The following CDKAL1 variants were observed in gnomAD, a reference collection of about 807,000 sequenced individuals.
CDKAL1 encodes CDKAL1 threonylcarbamoyladenosine tRNA methylthiotransferase, also known as threonylcarbamoyladenosine tRNA methylthiotransferase.
A neutral mutation model predicts 68.2 loss-of-function variants in CDKAL1; 32 were observed. The ratio of observed to expected loss-of-function variants is 0.47; its 90% confidence interval spans 0.35 to 0.63. CDKAL1 has a LOEUF of 0.63. CDKAL1 is among the 30% of genes least tolerant of loss of function. CDKAL1 has a pLI of 0.00. For missense variants in CDKAL1, 606 were observed against 696.7 expected, an observed-to-expected ratio of 0.87 and a Z score of 1.47; for synonymous variants, 234 against 244.3, an observed-to-expected ratio of 0.96 and a Z score of 0.39.
chr6:20,575,344 CA>C (rs1764864514), intron 4 of CDKAL1, among the ~76,000 whole-genome samples: 1 of 139,114 alleles, frequency 7.2e-6, no homozygotes, highest in Admixed American at 7.9e-5. Context: ...TTTGTTTGCA[CA>C]AAAAACCTGT....
chr6:20,867,009 T>C (rs1759943040), intron 9 of CDKAL1, among the ~76,000 whole-genome samples: 1 of 152,174 alleles, frequency 6.6e-6, no homozygotes, highest in African/African-American at 2.4e-5. Flanking sequence ...ACCCTTAACA[T>C]TCAGGACCAA....
intron 11 of CDKAL1, among the ~76,000 whole-genome samples, chr6:21,035,521 T>G (rs1769527228): frequency 6.6e-6 from 1 of 152,116 alleles, no homozygotes; most frequent in Non-Finnish European, 1.5e-5. Flanking sequence ...GTCAGCAAGC[T>G]TGTGTGTGTA....
At chr6:20,627,083 G>A (rs191968310) in intron 4 of CDKAL1, among the ~76,000 whole-genome samples, 10 of 152,210 alleles carry the variant, frequency 6.6e-5, no homozygotes, top group Non-Finnish European at 1.3e-4. Context: ...ATTTTATAGA[G>A]AATTCAGTCA....
chr6:20,754,268 C>T (rs983411250), intron 6 of CDKAL1, among the ~76,000 whole-genome samples: 2 of 151,330 alleles, frequency 1.3e-5, no homozygotes, highest in African/African-American at 4.9e-5. Flanking sequence ...CAGGTGTGAG[C>T]AACTGCACCT....
intron 13 of CDKAL1, among the ~76,000 whole-genome samples, chr6:21,133,381 C>T (rs1775427117): frequency 6.6e-6 from 1 of 152,166 alleles, no homozygotes; most frequent in Non-Finnish European, 1.5e-5. Flanking sequence ...CCCTGGTGCT[C>T]AGGACTCCAT....
intron 8 of CDKAL1, among the ~76,000 whole-genome samples, chr6:20,820,160 C>A (rs68069111): frequency 0.23 from 34,558 of 152,064 alleles, 4,234 homozygotes; most frequent in African/African-American, 0.31. Context: ...AGTATGTAGG[C>A]TGCATTGTCA....
chr6:21,214,337 T>C (rs1321190277), intron 15 of CDKAL1, among the ~76,000 whole-genome samples: 2 of 151,970 alleles, frequency 1.3e-5, no homozygotes, highest in African/African-American at 2.4e-5. Context: ...ATACATACCA[T>C]ATAAAAATTT....
At chr6:21,199,127 G>T (rs527781453) in intron 14 of CDKAL1, among the ~76,000 whole-genome samples, 1 of 152,306 alleles carries the variant, frequency 6.6e-6, no homozygotes, top group East Asian at 1.9e-4. Flanking sequence ...ATCATGGCTG[G>T]AATTAGAGCT....
chr6:20,945,829 G>A (rs983987844), intron 9 of CDKAL1, among the ~76,000 whole-genome samples: 4 of 152,126 alleles, frequency 2.6e-5, no homozygotes, highest in African/African-American at 9.7e-5. Context: ...ATTTACATTT[G>A]TGAGTGTTGT....
intron 13 of CDKAL1, among the ~76,000 whole-genome samples, chr6:21,122,053 A>T (rs1582243243): frequency 6.6e-6 from 1 of 152,320 alleles, no homozygotes; most frequent in East Asian, 1.9e-4. Context: ...CTCAGTTTAA[A>T]CATTTAAAAA....
chr6:21,027,380 C>G (rs535956067), intron 11 of CDKAL1, among the ~76,000 whole-genome samples: 29 of 152,330 alleles, frequency 1.9e-4, no homozygotes, highest in African/African-American at 5.5e-4. Context: ...CAGTTATATA[C>G]TGGCCATTGT....
At chr6:20,930,163 C>G (rs1352312728) in intron 9 of CDKAL1, among the ~76,000 whole-genome samples, 2 of 151,880 alleles carry the variant, frequency 1.3e-5, no homozygotes, top group Non-Finnish European at 2.9e-5. Flanking sequence ...TCAAACCAAA[C>G]TAATGAAAGC....
At chr6:20,878,545 G>A (rs947235092) in intron 9 of CDKAL1, among the ~76,000 whole-genome samples, 2 of 152,022 alleles carry the variant, frequency 1.3e-5, no homozygotes, top group African/African-American at 4.8e-5. Context: ...TTCAAGACCA[G>A]CCTGGCCAAC....
intron 13 of CDKAL1, among the ~76,000 whole-genome samples, chr6:21,109,413 C>T (rs1214219512): frequency 2.0e-5 from 3 of 152,072 alleles, no homozygotes; most frequent in Non-Finnish European, 4.4e-5. Flanking sequence ...ACAGAGATGT[C>T]TGGATTCAGG....
intron 8 of CDKAL1, among the ~76,000 whole-genome samples, chr6:20,834,629 C>G (rs1409951005): frequency 6.6e-6 from 1 of 152,202 alleles, no homozygotes; most frequent in African/African-American, 2.4e-5. Context: ...TTCTTTCAGA[C>G]TAAGCTTATC....
chr6:20,844,071 C>T (rs1312571061), intron 8 of CDKAL1, among the ~76,000 whole-genome samples: 1 of 152,018 alleles, frequency 6.6e-6, no homozygotes, highest in Non-Finnish European at 1.5e-5. Context: ...CGTGTCAAGT[C>T]CGATGAAGTG....
intron 12 of CDKAL1, among the ~76,000 whole-genome samples, chr6:21,099,612 G>A (rs2150981669): frequency 6.6e-6 from 1 of 152,308 alleles, no homozygotes; most frequent in Non-Finnish European, 1.5e-5. Context: ...GTTAACTATT[G>A]TGGTCAGTTA....
At chr6:20,769,274 T>TTC (rs34127549) in intron 7 of CDKAL1, among the ~76,000 whole-genome samples, 2 of 150,552 alleles carry the variant, frequency 1.3e-5, no homozygotes, top group Non-Finnish European at 3.0e-5. Context: ...TTTTTTTTTT[T>TTC]TCAAGACAGA....
In CDKAL1 at chr6:20,642,899, AAACAACAACAACAACAACAACAAC is replaced by A. The variant is rs79933332; in HGVS notation, c.287-6371_287-6348del. Reference sequence around the variant, plus strand: ...GGGCGACACAGTGAGACTTTGTCTCAAACAACAACAACAACAACAACAACAACAACAACAACAACAACAACAGAC... The same window carrying A: ...GGGCGACACAGTGAGACTTTGTCTCAAACAACAACAACAACAACAACAGAC... On this transcript the variant is annotated intron_variant, in intron 4 of 15. Coordinates refer to ENST00000274695, the MANE Select transcript of CDKAL1 (RefSeq NM_017774.3). 2.3e-3 allele frequency among the ~76,000 whole-genome samples: 346 copies of A among 150,428 alleles called. 2 individuals carry two copies. The highest frequency in any genetic ancestry group is 3.6e-3 in the Admixed American group (54 of 15,120).
Sources: gnomAD v4.1 joint callset for allele counts (sites outside exome capture counted in the v4.1 genomes callset) on GRCh38, gnomAD v4.1.1 for gene constraint, MANE v1.5 for transcripts, NCBI Gene and HGNC (gene_info 2026-07-23, HGNC 2026-07-21) for gene names.